RAB3C: variants seen among roughly 807,000 people sequenced by gnomAD.
The protein encoded by RAB3C is RAB3C, member RAS oncogene family.
Under a neutral mutation model 26.4 loss-of-function variants are expected in RAB3C, and 17 were observed. The ratio of observed to expected loss-of-function variants is 0.64; its 90% CI spans 0.44 to 0.97. RAB3C has a LOEUF of 0.97. Ranked by LOEUF, RAB3C falls within the 50% of genes least tolerant of loss-of-function variation. The pLI is 0.00. For synonymous variants in RAB3C, 91 were observed against 95.9 expected, an observed-to-expected ratio of 0.95 and a Z score of 0.30; for missense variants, 242 against 281.9, an observed-to-expected ratio of 0.86 and a Z score of 1.01.
chr5:58,833,940 G>T (rs144886463), intron 4 of RAB3C, among the ~76,000 whole-genome samples: 197 of 152,250 alleles, frequency 1.3e-3, no homozygotes, highest in Non-Finnish European at 2.4e-3. Flanking sequence ...TGCATAGAGA[G>T]GTGACCACCC....
At chr5:58,631,169 C>T (rs1442260674) in intron 2 of RAB3C, among the ~76,000 whole-genome samples, 1 of 152,160 alleles carries the variant, frequency 6.6e-6, no homozygotes, top group Non-Finnish European at 1.5e-5. Context: ...AAAATAGGTC[C>T]TGTGGCCCCA....
At position 58,802,572 on chromosome 5, in the gene RAB3C, G is replaced by T. The variant is rs545392630; in HGVS notation, c.372-22466G>T. 2.6e-5 allele frequency among the ~76,000 whole-genome samples: 4 copies of T among 152,236 alleles called. No homozygotes were observed. In the South Asian group the frequency reaches 8.3e-4, roughly 32 times the overall value. On this transcript the variant is annotated intron_variant, in intron 3 of 4. Coordinates refer to ENST00000282878, the MANE Select transcript of RAB3C (RefSeq NM_138453.4). The stretch of plus-strand genomic sequence containing the variant: ...CTTAGAAGTAGGTATTTAATTAATG[G>T]CTTGATTTCATCATCTACTAAGAGA...
chr5:58,618,335 G>T lies in RAB3C; in HGVS notation c.252+465G>T, dbSNP rs931921355. Among the ~76,000 whole-genome samples the T allele has an allele frequency of 2.6e-5, 4 of 152,238 alleles. No individual in the cohort carries two copies. The South Asian group carries it at 8.3e-4, about 32-fold the overall frequency. Reference sequence around the variant, plus strand: ...AACAACCAAATATAGGAAAAGTGTAGGTTTAGACCCTTCATAAAGCTCCAG... The same window carrying T: ...AACAACCAAATATAGGAAAAGTGTATGTTTAGACCCTTCATAAAGCTCCAG... On this transcript the variant is annotated intron_variant, in intron 2 of 4. Coordinates refer to ENST00000282878, the MANE Select transcript of RAB3C (RefSeq NM_138453.4).
intron 2 of RAB3C, among the ~76,000 whole-genome samples, chr5:58,627,427 T>TGCAGTCC: frequency 1.3e-5 from 1 of 78,700 alleles, no homozygotes; most frequent in East Asian, 3.1e-4. Flanking sequence ...ATTGCGCCAC[T>TGCAGTCC]GCAGTCCGCA....
intron 1 of RAB3C, among the ~76,000 whole-genome samples, chr5:58,586,802 T>C (rs1244241812): frequency 6.6e-6 from 1 of 152,082 alleles, no homozygotes; most frequent in Non-Finnish European, 1.5e-5. Context: ...GAAGATGAAG[T>C]GGAGCTAAAA....
At chr5:58,684,554 A>C (rs1392063021) in intron 2 of RAB3C, among the ~76,000 whole-genome samples, 1 of 152,060 alleles carries the variant, frequency 6.6e-6, no homozygotes, top group South Asian at 2.1e-4. Context: ...TTAGCTGAAC[A>C]TTCTTACCTG....
chr5:58,665,605 C>T (rs1747986835), intron 2 of RAB3C, among the ~76,000 whole-genome samples: 3 of 152,170 alleles, frequency 2.0e-5, no homozygotes, highest in East Asian at 1.9e-4. Flanking sequence ...CTTGAATTTA[C>T]GTGCTTTCAT....
At chr5:58,703,164 T>C (rs1488449589) in intron 2 of RAB3C, among the ~76,000 whole-genome samples, 1 of 152,092 alleles carries the variant, frequency 6.6e-6, no homozygotes, top group Non-Finnish European at 1.5e-5. Context: ...ATGAATAAGA[T>C]CTTGTTTATT....
intron 2 of RAB3C, among the ~76,000 whole-genome samples, chr5:58,706,936 T>C (rs538050257): frequency 6.7e-4 from 102 of 152,362 alleles, no homozygotes; most frequent in African/African-American, 2.4e-3. Flanking sequence ...ATTTTAGTCA[T>C]CCTTTGCCTG....
chr5:58,809,327 A>C (rs894772890), intron 3 of RAB3C, among the ~76,000 whole-genome samples: 7 of 151,932 alleles, frequency 4.6e-5, no homozygotes, highest in Admixed American at 4.6e-4. Flanking sequence ...AGCCTCCTTG[A>C]AGGCACACTT....
At chr5:58,800,842 C>G (rs995242863) in intron 3 of RAB3C, among the ~76,000 whole-genome samples, 25 of 152,208 alleles carry the variant, frequency 1.6e-4, no homozygotes, top group Non-Finnish European at 3.4e-4. Flanking sequence ...GAACTAAATG[C>G]AACTAAGTGA....
intron 3 of RAB3C, among the ~76,000 whole-genome samples, chr5:58,800,805 A>C (rs965842553): frequency 6.6e-6 from 1 of 152,172 alleles, no homozygotes; most frequent in African/African-American, 2.4e-5. Context: ...CAGAGTGACC[A>C]TTGGTGAATC....
intron 2 of RAB3C, among the ~76,000 whole-genome samples, chr5:58,641,889 G>A (rs1486396507): frequency 6.6e-6 from 1 of 151,850 alleles, no homozygotes; most frequent in Admixed American, 6.6e-5. Context: ...ATGTTTTTTT[G>A]TGTTGTAAAA....
intron 4 of RAB3C, among the ~76,000 whole-genome samples, chr5:58,837,231 A>G (rs1743769491): frequency 6.6e-6 from 1 of 151,368 alleles, no homozygotes; most frequent in African/African-American, 2.4e-5. Context: ...CCCAGGCTGG[A>G]GTGGAGTGGG....
At chr5:58,604,277 T>A (rs1210456128) in intron 1 of RAB3C, among the ~76,000 whole-genome samples, 1 of 152,234 alleles carries the variant, frequency 6.6e-6, no homozygotes, top group African/African-American at 2.4e-5. Flanking sequence ...ATTTTTGTCC[T>A]GGTTGGCCTT....
rs569729007 is a variant in RAB3C, at chr5:58,673,027, C to CAGATTCT, written c.253-52974_253-52968dup. ...TAGTATTTAATTCTGGTAAACAGAT[C>CAGATTCT]AGATTCTTGGAGTTGGGTTTTGTTG... On this transcript the variant is annotated intron_variant, in intron 2 of 4. Transcript: ENST00000282878. 2.7e-3 allele frequency among the ~76,000 whole-genome samples: 404 copies of CAGATTCT among 152,230 alleles called. 1 individual carries two copies. Among genetic ancestry groups the CAGATTCT allele is most frequent in the African/African-American group, 9.2e-3 (381 of 41,530 alleles).
chr5:58,849,608 A>G (rs1317245614), intron 4 of RAB3C, among the ~76,000 whole-genome samples: 1 of 152,224 alleles, frequency 6.6e-6, no homozygotes, highest in Non-Finnish European at 1.5e-5. Context: ...GAAAAATACA[A>G]GCCACAATGG....
intron 2 of RAB3C, among the ~76,000 whole-genome samples, chr5:58,671,387 C>T (rs958549354): frequency 3.3e-5 from 5 of 152,146 alleles, no homozygotes; most frequent in South Asian, 2.1e-4. Context: ...AAGGCTGTCT[C>T]GTTCCAGAGC....
chr5:58,664,562 T>C (rs1747967044), intron 2 of RAB3C, among the ~76,000 whole-genome samples: 1 of 152,152 alleles, frequency 6.6e-6, no homozygotes, highest in South Asian at 2.1e-4. Flanking sequence ...AACATTTGAC[T>C]GTATCAATGT....
Sources: allele counts gnomAD v4.1 joint callset (sites outside exome capture counted in the v4.1 genomes callset), GRCh38; gene constraint gnomAD v4.1.1; transcripts MANE v1.5; gene names NCBI Gene and HGNC (gene_info 2026-07-23, HGNC 2026-07-21).